DMBT1: variants seen among roughly 807,000 people sequenced by gnomAD.
DMBT1 encodes scavenger receptor cysteine-rich domain-containing protein DMBT1.
Under a neutral mutation model 252.9 loss-of-function variants are expected in DMBT1, and 198 were observed. That is an observed-to-expected ratio of 0.78 (90% CI 0.70 to 0.88). The LOEUF is 0.88. Among genes scored for constraint, DMBT1 ranks in the 40% least tolerant of loss-of-function variants. The pLI, the probability that DMBT1 is intolerant of heterozygous loss-of-function variation, is 0.00. For missense variants in DMBT1, 2,432 were observed against 2,404.7 expected (o/e 1.01, Z -0.24); for synonymous variants, 990 against 942.7 (o/e 1.05, Z -0.92).
intron 54 of DMBT1, among the ~76,000 whole-genome samples, chr10:122,639,410 G>A (rs987391719): frequency 5.9e-5 from 9 of 152,098 alleles, no homozygotes; most frequent in African/African-American, 1.7e-4. Flanking sequence ...GAGAGTCAGC[G>A]AAGAGAGATA....
intron 2 of DMBT1, among the ~76,000 whole-genome samples, chr10:122,566,679 TAC>T (rs555397472): frequency 2.6e-4 from 39 of 152,326 alleles, no homozygotes; most frequent in African/African-American, 9.4e-4. Context: ...ACTTGTTATA[TAC>T]CCTGCATAAA....
At chr10:122,586,558 G>T (rs1460172593) in intron 16 of DMBT1, among the ~76,000 whole-genome samples, 175 bp downstream of exon 16, 1 of 148,430 alleles carries the variant, frequency 6.7e-6, no homozygotes, top group African/African-American at 2.4e-5. Flanking sequence ...AGGTTTTGAG[G>T]AGGTCAGAGA....
chr10:122,620,935 T>G, intron 43 of DMBT1, 122 bp from the exon 44 acceptor site: 6 of 1,529,130 alleles, frequency 3.9e-6, no homozygotes, highest in Non-Finnish European at 5.3e-6. Flanking sequence ...TGTATTCATA[T>G]TCAAAGGTGA....
At chr10:122,637,351 A>G (rs2098235227) in intron 54 of DMBT1, 39 bp downstream of exon 54, 4 of 1,547,808 alleles carry the variant, frequency 2.6e-6, no homozygotes, top group African/African-American at 2.7e-5. Context: ...CCAGTGCACA[A>G]GCTTTCTTAG....
At chr10:122,599,780 C>A (rs910592324) in intron 26 of DMBT1, among the ~76,000 whole-genome samples, 4 of 152,292 alleles carry the variant, frequency 2.6e-5, no homozygotes, top group South Asian at 2.1e-4. Context: ...CTTGCTGACT[C>A]AAGAATGCCT....
chr10:122,563,452 C>T (rs1428051237), intron 1 of DMBT1, among the ~76,000 whole-genome samples: 2 of 152,070 alleles, frequency 1.3e-5, no homozygotes, highest in Non-Finnish European at 2.9e-5. Context: ...CCAGATAAAG[C>T]CTGGAGTAAA....
intron 49 of DMBT1, 99 bp from the exon 50 acceptor site, chr10:122,631,756 G>T (rs534447921): frequency 2.9e-6 from 4 of 1,378,874 alleles, no homozygotes; most frequent in Admixed American, 1.8e-5. Flanking sequence ...GCCGAGGGGG[G>T]TCAGGTTATG....
At chr10:122,569,065 T>C (rs1264336934) in intron 2 of DMBT1, among the ~76,000 whole-genome samples, 3 of 152,194 alleles carry the variant, frequency 2.0e-5, no homozygotes, top group Non-Finnish European at 4.4e-5. Flanking sequence ...ACTGGCCCTT[T>C]TCATAGACAA....
chr10:122,600,711 A>G (rs1165968510), intron 27 of DMBT1, among the ~76,000 whole-genome samples: 2 of 152,292 alleles, frequency 1.3e-5, no homozygotes, highest in East Asian at 3.9e-4. Flanking sequence ...TAGTCAGTCC[A>G]TGCATCAGCA....
chr10:122,634,460 C>CT (rs1566009243), intron 52 of DMBT1, among the ~76,000 whole-genome samples: 23 of 98,332 alleles, frequency 2.3e-4, no homozygotes, highest in South Asian at 1.2e-3. Flanking sequence ...CTCTCTCTCT[C>CT]TCTCTCTCTC....
rs1410627041 is a variant in DMBT1 at position 122,600,050 on chromosome 10, TCTC to T, written c.3281-13_3281-11del. The T allele has an allele frequency of 1.9e-6, 3 of 1,607,742 alleles. No individual in the cohort carries two copies. The highest frequency in any genetic ancestry group is 2.5e-6 in the Non-Finnish European group (3 of 1,178,318). ...TAATGTTCCTGATCTGACCTTCTCT[TCTC>T]TTTCTCACAGCTTCCCAGTCCCGGC... On this transcript the variant is annotated splice_polypyrimidine_tract_variant and intron_variant, in intron 26 of 55. Transcript: ENST00000338354.
intron 54 of DMBT1, among the ~76,000 whole-genome samples, chr10:122,639,419 TA>T (rs1182663676): frequency 4.0e-5 from 6 of 151,524 alleles, no homozygotes; most frequent in African/African-American, 9.7e-5. Context: ...CGAAGAGAGA[TA>T]GGGGTGGGGC....
rs1311740984 is a variant in DMBT1 at position 122,589,225 on chromosome 10, C to T, written c.2065C>T (p.His689Tyr). 3 of 1,588,518 alleles carry T rather than the reference C, an allele frequency of 1.9e-6. No individual in the cohort carries two copies. The highest frequency in any genetic ancestry group is 1.7e-6 in the Non-Finnish European group (2 of 1,165,748). ...CTGCCCCAACAATGGCTGGCTCTCC[C>T]ACAACTGTGGCCATCATGAAGATGC... ...WSCPNNGWLS[H>Y]NCGHHEDAGV... Residue 689 changes from histidine (H) to tyrosine (Y), a missense_variant, in exon 17 of 56, where the codon CAC (histidine) becomes TAC (tyrosine). Coordinates refer to ENST00000338354, the MANE Select transcript of DMBT1 (RefSeq NM_001377530.1).
chr10:122,599,645 C>T (rs2097920727), intron 26 of DMBT1, among the ~76,000 whole-genome samples: 1 of 152,216 alleles, frequency 6.6e-6, no homozygotes, highest in Admixed American at 6.5e-5. Flanking sequence ...TGAGCATTGC[C>T]TGTGCCCCAG....
chr10:122,597,800 T>C (rs1349896011), intron 24 of DMBT1, among the ~76,000 whole-genome samples, 174 bp from the exon 25 acceptor site: 1 of 152,134 alleles, frequency 6.6e-6, no homozygotes, highest in East Asian at 1.9e-4. Flanking sequence ...CAGCAAGGCC[T>C]ATGACCCTTG....
intron 6 of DMBT1, among the ~76,000 whole-genome samples, chr10:122,574,575 G>T (rs776131494): frequency 6.6e-6 from 1 of 152,144 alleles, no homozygotes; most frequent in Non-Finnish European, 1.5e-5. Context: ...TATGATGAAG[G>T]ACACAGAAGA....
intron 41 of DMBT1, 113 bp from the exon 42 acceptor site, chr10:122,619,195 A>G: frequency 7.3e-7 from 1 of 1,363,348 alleles, no homozygotes; most frequent in Non-Finnish European, 1.0e-6. Flanking sequence ...CCTCTGTGAT[A>G]GGGACTAGGA....
chr10:122,568,365 G>C (rs573289162), intron 2 of DMBT1, among the ~76,000 whole-genome samples: 2 of 152,192 alleles, frequency 1.3e-5, no homozygotes, highest in South Asian at 4.2e-4. Flanking sequence ...GTGGATTTGG[G>C]GGTCTTCTGG....
At chr10:122,592,152 T>A (rs1417871388) in intron 19 of DMBT1, 120 bp from the exon 20 acceptor site, 3 of 1,451,980 alleles carry the variant, frequency 2.1e-6, no homozygotes, top group Non-Finnish European at 2.8e-6. Flanking sequence ...GCAGTCGTAT[T>A]CAATCGTGAC....
Sources: allele counts gnomAD v4.1 joint callset (sites outside exome capture counted in the v4.1 genomes callset), GRCh38; gene constraint gnomAD v4.1.1; transcripts MANE v1.5; gene names NCBI Gene and HGNC (gene_info 2026-07-23, HGNC 2026-07-21).